GABRB1: variants seen among roughly 807,000 people sequenced by gnomAD.
The protein encoded by GABRB1 is gamma-aminobutyric acid type A receptor subunit beta1.
A neutral mutation model predicts 51.6 loss-of-function variants in GABRB1; 17 were observed. The ratio of observed to expected loss-of-function variants is 0.33; its 90% confidence interval spans 0.23 to 0.49. The LOEUF (loss-of-function observed/expected upper bound fraction) is 0.49. GABRB1 is among the 20% of genes least tolerant of loss of function. GABRB1 has a pLI of 0.99. For missense variants in GABRB1, 410 were observed against 600.6 expected, an observed-to-expected ratio of 0.68 and a Z score of 3.32; for synonymous variants, 247 against 218.9, an observed-to-expected ratio of 1.13 and a Z score of -1.14.
intron 3 of GABRB1, among the ~76,000 whole-genome samples, chr4:47,100,000 G>C (rs751349882): frequency 6.6e-6 from 1 of 151,782 alleles, no homozygotes; most frequent in African/African-American, 2.4e-5. Context: ...GATTATCAAA[G>C]GAGGAATATA....
chr4:47,262,200 C>A (rs56024106), intron 4 of GABRB1, among the ~76,000 whole-genome samples: 27,959 of 150,306 alleles, frequency 0.19, 2,699 homozygotes, highest in East Asian at 0.24. Context: ...AATGGGATCT[C>A]ATTAAACTAA....
chr4:47,388,739 G>A (rs560956155), intron 5 of GABRB1, among the ~76,000 whole-genome samples: 4 of 152,228 alleles, frequency 2.6e-5, no homozygotes, highest in South Asian at 2.1e-4. Context: ...GGACATGTAA[G>A]CAAACTGGAA....
chr4:47,401,322 A>G (rs998226044), intron 5 of GABRB1, among the ~76,000 whole-genome samples: 2 of 152,258 alleles, frequency 1.3e-5, no homozygotes, highest in African/African-American at 4.8e-5. Context: ...CACAATATCT[A>G]TGGAAAACAG....
chr4:47,379,963 T>C (rs1448602886), intron 5 of GABRB1, among the ~76,000 whole-genome samples: 3 of 152,174 alleles, frequency 2.0e-5, no homozygotes, highest in African/African-American at 7.2e-5. Flanking sequence ...TTGAATGATA[T>C]GGTCATGTAC....
intron 3 of GABRB1, among the ~76,000 whole-genome samples, chr4:47,061,181 T>C (rs1255013295): frequency 6.6e-6 from 1 of 152,238 alleles, no homozygotes; most frequent in Non-Finnish European, 1.5e-5. Flanking sequence ...AATTGAACTG[T>C]CAGGTTTCCC....
At chr4:47,413,425 ATTTAC>A (rs1342430262) in intron 8 of GABRB1, among the ~76,000 whole-genome samples, 1 of 152,208 alleles carries the variant, frequency 6.6e-6, no homozygotes, top group African/African-American at 2.4e-5. Flanking sequence ...CAAAGCAAGT[ATTTAC>A]TTCATCTATT....
chr4:47,249,071 G>A (rs536231119), intron 4 of GABRB1, among the ~76,000 whole-genome samples: 1 of 151,872 alleles, frequency 6.6e-6, no homozygotes, highest in Admixed American at 6.6e-5. Context: ...GTTTGCTCTT[G>A]TCTCTCTCAT....
chr4:47,106,074 G>A (rs928659208), intron 3 of GABRB1, among the ~76,000 whole-genome samples: 13 of 151,988 alleles, frequency 8.6e-5, no homozygotes, highest in African/African-American at 2.7e-4. Flanking sequence ...TTCAAGAAAA[G>A]CTGTAATTTT....
At chr4:47,099,787 C>A (rs551799295) in intron 3 of GABRB1, among the ~76,000 whole-genome samples, 2 of 151,652 alleles carry the variant, frequency 1.3e-5, no homozygotes, top group African/African-American at 2.4e-5. Flanking sequence ...AAAACTGAGA[C>A]GTACAATGTT....
intron 3 of GABRB1, among the ~76,000 whole-genome samples, chr4:47,085,226 A>T (rs1728009465): frequency 6.6e-6 from 1 of 152,238 alleles, no homozygotes; most frequent in South Asian, 2.1e-4. Context: ...ATTTAAAAGA[A>T]AAAGAGCACA....
rs992323491 is a variant in GABRB1 at position 47,112,348 on chromosome 4, G to A, written c.241-48901G>A. Among the ~76,000 whole-genome samples the A allele has an allele frequency of 5.3e-5, 8 of 151,822 alleles. No individual in the cohort carries two copies. The East Asian group carries it at 1.4e-3, about 26-fold the overall frequency. On this transcript the variant is annotated intron_variant, in intron 3 of 8. Transcript: ENST00000295454. Reference sequence around the variant, plus strand: ...TCTCGACCTCCTGACCTCGTAATCCGACTGCCTCAGCCTCCCAAGTGCTGG... The same window carrying A: ...TCTCGACCTCCTGACCTCGTAATCCAACTGCCTCAGCCTCCCAAGTGCTGG...
intron 8 of GABRB1, among the ~76,000 whole-genome samples, chr4:47,422,327 A>G (rs1729115654): frequency 6.6e-6 from 1 of 152,040 alleles, no homozygotes; most frequent in Non-Finnish European, 1.5e-5. Flanking sequence ...CTATCCCGAT[A>G]TGTGTGAGCT....
intron 4 of GABRB1, among the ~76,000 whole-genome samples, chr4:47,269,096 C>T (rs1157731997): frequency 6.6e-6 from 1 of 152,122 alleles, no homozygotes; most frequent in Admixed American, 6.6e-5. Context: ...AATTTAAGCA[C>T]TGTTTGAGAT....
intron 1 of GABRB1, among the ~76,000 whole-genome samples, chr4:47,025,686 T>G (rs1373385668): frequency 1.3e-5 from 2 of 151,980 alleles, no homozygotes; most frequent in East Asian, 1.9e-4. Flanking sequence ...GAATATGTAT[T>G]TAACATGAGG....
In GABRB1 at chr4:47,071,467, T is replaced by C. The variant is rs144223088; in HGVS notation, c.240+38983T>C. Among the ~76,000 whole-genome samples, 703 of 152,200 alleles carry C rather than the reference T, an allele frequency of 4.6e-3. 9 individuals are homozygous for C. Among genetic ancestry groups the C allele is most frequent in the African/African-American group, 0.016 (677 of 41,544 alleles). On this transcript the variant is annotated intron_variant, in intron 3 of 8. Coordinates refer to ENST00000295454, the MANE Select transcript of GABRB1 (RefSeq NM_000812.4). Reference sequence around the variant, plus strand: ...ATTCCTCACTCTCCCCAGCCATGCCTGCCTCCTTTCTGTTCCCAGCATTCC... The same window carrying C: ...ATTCCTCACTCTCCCCAGCCATGCCCGCCTCCTTTCTGTTCCCAGCATTCC...
chr4:47,076,101 T>C (rs989537110), intron 3 of GABRB1, among the ~76,000 whole-genome samples: 8 of 152,216 alleles, frequency 5.3e-5, no homozygotes, highest in Non-Finnish European at 8.8e-5. Context: ...TTTTGTCTTG[T>C]TTCCTGGTTT....
intron 4 of GABRB1, among the ~76,000 whole-genome samples, chr4:47,215,519 A>G (rs1190916168): frequency 6.6e-6 from 1 of 151,870 alleles, no homozygotes; most frequent in East Asian, 1.9e-4. Flanking sequence ...GAGAAGGGGG[A>G]AAAATCAAAA....
At chr4:47,317,746 G>T (rs1203597497) in intron 4 of GABRB1, among the ~76,000 whole-genome samples, 2 of 151,678 alleles carry the variant, frequency 1.3e-5, no homozygotes, top group Non-Finnish European at 3.0e-5. Flanking sequence ...AAGAGGTAGG[G>T]TTTTTCTTTT....
rs1026205106 is a variant in GABRB1 at position 47,158,395 on chromosome 4, T to C, written c.241-2854T>C. The stretch of plus-strand genomic sequence containing the variant: ...ACCAATGTGTTACTTCATATACTTC[T>C]CTTTTGTGGTAAAATTTACTCTTAC... On this transcript the variant is annotated intron_variant, in intron 3 of 8. Coordinates refer to ENST00000295454, the MANE Select transcript of GABRB1 (RefSeq NM_000812.4). Among the ~76,000 whole-genome samples the C allele has an allele frequency of 3.9e-5, 6 of 152,110 alleles. No individual in the cohort carries two copies. The East Asian group carries it at 7.7e-4, about 20-fold the overall frequency.
Sources: allele counts gnomAD v4.1 joint callset (sites outside exome capture counted in the v4.1 genomes callset), GRCh38; gene constraint gnomAD v4.1.1; transcripts MANE v1.5; gene names NCBI Gene and HGNC (gene_info 2026-07-23, HGNC 2026-07-21).